The following TRIO variants were observed in gnomAD, a reference collection of about 807,000 sequenced individuals.
The protein encoded by TRIO is triple functional domain protein.
A neutral mutation model predicts 351.9 loss-of-function variants in TRIO; 58 were observed. The observed-to-expected ratio is 0.16, with a 90% CI of 0.13 to 0.21. The LOEUF is 0.21. TRIO is among the 10% of genes least tolerant of loss of function. TRIO has a pLI of 1.00. For synonymous variants in TRIO, 1,758 were observed against 1,595.7 expected (o/e 1.10, Z -2.42); for missense variants, 3,201 against 4,027.8 (o/e 0.79, Z 5.56).
intron 41 of TRIO, among the ~76,000 whole-genome samples, chr5:14,478,976 C>CA (rs1215620514): frequency 5.3e-5 from 8 of 151,802 alleles, no homozygotes; most frequent in Non-Finnish European, 1.0e-4. Flanking sequence ...AAAACAACAA[C>CA]AAAAAAATGT....
chr5:14,244,953 T>C (rs1794344731), intron 1 of TRIO, among the ~76,000 whole-genome samples: 1 of 152,146 alleles, frequency 6.6e-6, no homozygotes, highest in South Asian at 2.1e-4. Flanking sequence ...AAAGAGAGTC[T>C]GAGACAGGCC....
chr5:14,163,674 A>G (rs536832195), intron 1 of TRIO, among the ~76,000 whole-genome samples: 3 of 152,372 alleles, frequency 2.0e-5, no homozygotes, highest in African/African-American at 7.2e-5. Context: ...TCACACATGC[A>G]CATTGTTGTA....
At chr5:14,148,913 A>G (rs1282562235) in intron 1 of TRIO, among the ~76,000 whole-genome samples, 1 of 152,198 alleles carries the variant, frequency 6.6e-6, no homozygotes, top group Non-Finnish European at 1.5e-5. Flanking sequence ...AGCGGGTTCG[A>G]TGTGCATCCA....
chr5:14,179,038 C>T (rs1394157338), intron 1 of TRIO, among the ~76,000 whole-genome samples: 3 of 152,206 alleles, frequency 2.0e-5, no homozygotes, highest in Admixed American at 6.5e-5. Flanking sequence ...GTACTCCCCC[C>T]ACCCCCGCAG....
At chr5:14,185,574 A>G (rs11958958) in intron 1 of TRIO, among the ~76,000 whole-genome samples, 6,658 of 152,256 alleles carry the variant, frequency 0.044, 501 homozygotes, top group African/African-American at 0.15. Flanking sequence ...GCTGAAGAGC[A>G]GGGAGAAACT....
Position 14,504,464 on chromosome 5 carries a change from A to G in TRIO, c.8483A>G (p.Asn2828Ser). The G allele has an allele frequency of 6.2e-7, 1 of 1,614,146 alleles. No individual in the cohort carries two copies. Among genetic ancestry groups the G allele is most frequent in the South Asian group, 1.1e-5 (1 of 91,084 alleles). ...CGAGCAGTGGCCACTAAGTTTGTGA[A>G]CAAGAAGTTGATGAAGCGCGACCAG... The part of the protein sequence containing the change: ...TKRAVATKFV[N>S]KKLMKRDQVT... Residue 2828 changes from asparagine to serine, a missense_variant, in exon 55 of 57, where the codon AAC becomes AGC. By Grantham distance (46) the Asn-to-Ser change is conservative (BLOSUM62 1). Coordinates refer to ENST00000344204, the MANE Select transcript of TRIO (RefSeq NM_007118.4).
At position 14,504,601 on chromosome 5, in the gene TRIO, C is replaced by G; in HGVS notation, c.8612+8C>G. 1 of 1,613,464 alleles carries G rather than the reference C, an allele frequency of 6.2e-7. No individual in the cohort carries two copies. Among genetic ancestry groups the G allele is most frequent in the East Asian group, 2.2e-5 (1 of 44,866 alleles). On this transcript the variant is annotated splice_region_variant and intron_variant, in intron 55 of 56. Transcript: ENST00000344204. The stretch of plus-strand genomic sequence containing the variant: ...CATCCTGGTCTTAGAAATGTGCGTA[C>G]ACACCTGGCCTTCCCTCTGCCCAGC...
Position 14,244,310 on chromosome 5 carries a change from A to G in TRIO, c.158-26515A>G, listed in dbSNP as rs575392665. On this transcript the variant is annotated intron_variant, in intron 1 of 56. Coordinates refer to ENST00000344204, the MANE Select transcript of TRIO (RefSeq NM_007118.4). The stretch of plus-strand genomic sequence containing the variant: ...TTAATTTATGATATTTAATATAGAA[A>G]TGCATAGGATTTCTGAATGATGGTT... Among the ~76,000 whole-genome samples the G allele has an allele frequency of 1.1e-4, 16 of 152,348 alleles. No individual in the cohort carries two copies. In the South Asian group the frequency reaches 3.3e-3, roughly 32 times the overall value.
chr5:14,213,143 C>A (rs1792011954), intron 1 of TRIO, among the ~76,000 whole-genome samples: 1 of 152,134 alleles, frequency 6.6e-6, no homozygotes, highest in Non-Finnish European at 1.5e-5. Context: ...AACAAGTCTG[C>A]TTTGCACTTA....
At position 14,487,762 on chromosome 5, in the gene TRIO, C is replaced by G; in HGVS notation, c.7134C>G (p.Pro2378=). ...GTSTPGPSLP[P]PGAAPEAGPS... ...CCACCCCCGGGCCCTCCCTGCCTCC[C>G]CCTGGCGCGGCCCCCGAGGCCGGCC... Residue 2378 remains proline (P), a synonymous_variant, in exon 48 of 57, where the codon CCC becomes CCG. Coordinates refer to ENST00000344204, the MANE Select transcript of TRIO (RefSeq NM_007118.4). The G allele has an allele frequency of 7.2e-7, 1 of 1,380,784 alleles. No homozygotes were observed. The highest frequency in any genetic ancestry group is 9.4e-7 in the Non-Finnish European group (1 of 1,063,732). The allele number at this position is 1,380,784 out of a possible 1,614,324, so 85.5% of individuals were successfully genotyped here.
intron 27 of TRIO, among the ~76,000 whole-genome samples, chr5:14,391,968 A>G (rs1359487237): frequency 6.6e-6 from 1 of 152,210 alleles, no homozygotes. Context: ...AATATTTCAC[A>G]TGATTCTAGG....
intron 2 of TRIO, among the ~76,000 whole-genome samples, chr5:14,277,168 A>G (rs1292289999): frequency 6.6e-6 from 1 of 152,198 alleles, no homozygotes; most frequent in African/African-American, 2.4e-5. Flanking sequence ...GCCCTCATGG[A>G]GCTTATGTTC....
At chr5:14,226,901 C>CTCTCCTCCTCCCTGGTTTT (rs1793079267) in intron 1 of TRIO, among the ~76,000 whole-genome samples, 1 of 151,556 alleles carries the variant, frequency 6.6e-6, no homozygotes, top group Non-Finnish European at 1.5e-5. Context: ...TCCCTGGTTT[C>CTCTCCTCCTCCCTGGTTTT]TGCAGCTCTC....
At chr5:14,269,722 A>G (rs867292147) in intron 1 of TRIO, among the ~76,000 whole-genome samples, 1 of 151,876 alleles carries the variant, frequency 6.6e-6, no homozygotes, top group Admixed American at 6.6e-5. Flanking sequence ...GCTGCTCAGG[A>G]CACCAAAAGT....
rs781657818 is a variant in TRIO at position 14,487,993 on chromosome 5, G to A, written c.7365G>A (p.Ser2455=). 352 of 1,563,324 alleles carry A rather than the reference G, an allele frequency of 2.3e-4. No individual in the cohort carries two copies. Among genetic ancestry groups the A allele is most frequent in the Non-Finnish European group, 3.0e-4 (349 of 1,155,272 alleles). Residue 2455 remains serine (S), a synonymous_variant, in exon 48 of 57, where the codon TCG becomes TCA. Coordinates refer to ENST00000344204, the MANE Select transcript of TRIO (RefSeq NM_007118.4). ...GGAAGCCCCGGGCCGGGGCCGCTTC[G>A]CCGCTGAACTCGCCGCTCTCCAGCG... is the stretch of plus-strand genomic sequence containing the variant. ...PLGKPRAGAA[S]PLNSPLSSAV...
At position 14,363,747 on chromosome 5, in the gene TRIO, G is replaced by A. The variant is rs750349254; in HGVS notation, c.2407G>A (p.Glu803Lys). Residue 803 changes from glutamate (E) to lysine (K), a missense_variant, in exon 14 of 57, where the codon GAG (glutamate) becomes AAG (lysine). Coordinates refer to ENST00000344204, the MANE Select transcript of TRIO (RefSeq NM_007118.4). ...CTTCTTTCAGATTATCTCAGACCTC[G>A]AGTCTTGGAATGATGAGCTTTCTCA... Reference protein sequence around the residue: ...RDAIDIISDLESWNDELSQQM... With the variant: ...RDAIDIISDLKSWNDELSQQM... 3 of 1,613,558 alleles carry A rather than the reference G, an allele frequency of 1.9e-6. No individual in the cohort carries two copies. The highest frequency in any genetic ancestry group is 2.5e-6 in the Non-Finnish European group (3 of 1,179,724).
At chr5:14,498,276 G>C (rs770990577) in intron 52 of TRIO, 25 bp downstream of exon 52, 2 of 1,606,682 alleles carry the variant, frequency 1.2e-6, no homozygotes, top group Non-Finnish European at 8.5e-7. Flanking sequence ...CTCCTGGTGG[G>C]TTTCGCTGGC....
intron 1 of TRIO, among the ~76,000 whole-genome samples, chr5:14,161,659 C>T (rs1300643022): frequency 6.6e-6 from 1 of 152,172 alleles, no homozygotes; most frequent in African/African-American, 2.4e-5. Context: ...TTTAAAAATA[C>T]AGAATCCCTA....
chr5:14,358,456 G>T (rs1288682758), intron 12 of TRIO, 109 bp downstream of exon 12: 8 of 1,340,030 alleles, frequency 6.0e-6, no homozygotes, highest in Non-Finnish European at 8.3e-6. Context: ...GTCCAGCTGA[G>T]TGCAGAGCTA....
Sources: gnomAD v4.1 joint callset for allele counts (sites outside exome capture counted in the v4.1 genomes callset) on GRCh38, gnomAD v4.1.1 for gene constraint, MANE v1.5 for transcripts, NCBI Gene and HGNC (gene_info 2026-07-23, HGNC 2026-07-21) for gene names.